The following FCHSD2 variants were observed in gnomAD, a reference collection of about 807,000 sequenced individuals.
FCHSD2 encodes the protein FCH and double SH3 domains 2.
In FCHSD2, 38 loss-of-function variants were observed where a neutral mutation model predicts 108.1. The observed-to-expected ratio is 0.35, with a 90% CI of 0.27 to 0.46. The LOEUF is 0.46. Ranked by LOEUF, FCHSD2 falls within the 20% of genes least tolerant of loss-of-function variation. The pLI is 1.00. For synonymous variants in FCHSD2, 279 were observed against 314.7 expected (o/e 0.89, Z 1.20); for missense variants, 751 against 897.8 (o/e 0.84, Z 2.09).
intron 8 of FCHSD2, among the ~76,000 whole-genome samples, chr11:72,934,940 G>C: frequency 6.6e-6 from 1 of 152,120 alleles, no homozygotes; most frequent in East Asian, 1.9e-4. Context: ...AATTGAATTT[G>C]AATGCCTTTA....
chr11:72,995,560 C>T (rs1171162126), intron 5 of FCHSD2, among the ~76,000 whole-genome samples: 3 of 151,772 alleles, frequency 2.0e-5, no homozygotes, highest in African/African-American at 7.3e-5. Context: ...AAAAATCAGC[C>T]AGGTGTGGTG....
intron 13 of FCHSD2, among the ~76,000 whole-genome samples, chr11:72,863,807 C>T (rs1043736950): frequency 6.6e-6 from 1 of 152,144 alleles, no homozygotes; most frequent in African/African-American, 2.4e-5. Flanking sequence ...ATTAGAATGT[C>T]TAAAGTTAAA....
intron 2 of FCHSD2, among the ~76,000 whole-genome samples, chr11:73,123,882 C>T (rs1366277777): frequency 6.6e-6 from 1 of 152,118 alleles, no homozygotes; most frequent in East Asian, 1.9e-4. Flanking sequence ...ACAAGGTGGT[C>T]AAACTGAGTT....
At chr11:72,939,704 C>T (rs1169816830) in intron 8 of FCHSD2, among the ~76,000 whole-genome samples, 5 of 149,390 alleles carry the variant, frequency 3.3e-5, no homozygotes, top group South Asian at 4.3e-4. Context: ...CTGCAACCCC[C>T]GCCTCCCGGG....
intron 5 of FCHSD2, among the ~76,000 whole-genome samples, chr11:72,991,306 C>T (rs977889420): frequency 1.3e-5 from 2 of 152,174 alleles, no homozygotes; most frequent in African/African-American, 4.8e-5. Flanking sequence ...GGTACCATTC[C>T]TTCTGAAACT....
chr11:72,935,629 T>C (rs1416280997), intron 8 of FCHSD2, among the ~76,000 whole-genome samples: 1 of 152,202 alleles, frequency 6.6e-6, no homozygotes. Context: ...AAAGTAGCTT[T>C]TTACAAGAAA....
chr11:73,003,967 C>T lies in FCHSD2; in HGVS notation c.243-2833G>A, dbSNP rs576237610. Among the ~76,000 whole-genome samples the T allele has an allele frequency of 1.8e-3, 279 of 151,200 alleles. 1 individual carries two copies. The highest frequency in any genetic ancestry group is 6.3e-3 in the African/African-American group (260 of 41,296). Reference sequence around the variant, plus strand: ...ACTGAAAATACAAAAATTAGCCAGGCGTTGTGGCTGGCACCTGTAACCCCA... The same window carrying T: ...ACTGAAAATACAAAAATTAGCCAGGTGTTGTGGCTGGCACCTGTAACCCCA... On this transcript the variant is annotated intron_variant, in intron 4 of 19. Coordinates refer to ENST00000409418, the MANE Select transcript of FCHSD2 (RefSeq NM_014824.3).
intron 2 of FCHSD2, among the ~76,000 whole-genome samples, chr11:73,110,890 T>C (rs1234467048): frequency 6.6e-6 from 1 of 152,192 alleles, no homozygotes; most frequent in Non-Finnish European, 1.5e-5. Flanking sequence ...TTTGTTTTAA[T>C]AAATTTTTCA....
chr11:73,139,207 C>G (rs925328501), intron 2 of FCHSD2, among the ~76,000 whole-genome samples: 4 of 152,174 alleles, frequency 2.6e-5, no homozygotes, highest in Non-Finnish European at 5.9e-5. Context: ...TAATATTTTT[C>G]ATGAAACCAA....
At chr11:73,056,003 T>G (rs773980691) in intron 3 of FCHSD2, among the ~76,000 whole-genome samples, 14 of 152,244 alleles carry the variant, frequency 9.2e-5, no homozygotes, top group Non-Finnish European at 1.6e-4. Context: ...AATGATAAAT[T>G]TTATGTTATG....
chr11:72,860,678 C>T (rs764983403), intron 13 of FCHSD2, among the ~76,000 whole-genome samples: 6 of 152,106 alleles, frequency 3.9e-5, no homozygotes, highest in Non-Finnish European at 8.8e-5. Flanking sequence ...GACCCCATCT[C>T]TACTAAATAT....
At chr11:72,952,671 T>C (rs1856641386) in intron 8 of FCHSD2, among the ~76,000 whole-genome samples, 1 of 152,102 alleles carries the variant, frequency 6.6e-6, no homozygotes, top group African/African-American at 2.4e-5. Context: ...CATAAGAGCT[T>C]ATTGGTAGAG....
Position 73,142,075 on chromosome 11 carries a change from G to A in FCHSD2, c.-198C>T, listed in dbSNP as rs1861263147. On this transcript the variant is annotated 5_prime_UTR_variant, in exon 1 of 20. Transcript: ENST00000409418. ...AGCCAGAGAGCGAGTGTGAGGAGACGAGGGAGGAGCACCGGGAAGGCTTGG... is the reference window on the plus strand; with the variant it reads ...AGCCAGAGAGCGAGTGTGAGGAGACAAGGGAGGAGCACCGGGAAGGCTTGG... 7.5e-6 allele frequency: 4 copies of A among 531,006 alleles called. No individual in the cohort carries two copies. The highest frequency in any genetic ancestry group is 3.8e-5 in the Admixed American group (1 of 26,274). The allele number at this position is 531,006 out of a possible 1,614,324, so 32.9% of individuals were successfully genotyped here. A position where few individuals can be genotyped will look rare whatever the true frequency, so the allele number is the denominator to read the frequency against.
chr11:73,046,736 T>C (rs1039945304), intron 3 of FCHSD2, among the ~76,000 whole-genome samples: 4 of 152,132 alleles, frequency 2.6e-5, no homozygotes, highest in African/African-American at 7.2e-5. Context: ...TTGTAGTATG[T>C]GTATTTGTTT....
At chr11:72,851,389 G>T (rs1861283761) in intron 13 of FCHSD2, among the ~76,000 whole-genome samples, 1 of 152,060 alleles carries the variant, frequency 6.6e-6, no homozygotes, top group Non-Finnish European at 1.5e-5. Flanking sequence ...CATCAACAGG[G>T]GAATGTTTGA....
chr11:72,987,933 A>C lies in FCHSD2; in HGVS notation c.521+1031T>G, dbSNP rs976349758. On this transcript the variant is annotated intron_variant, in intron 6 of 19. Transcript: ENST00000409418. ...GAAATATTTGTAGGTTCAAACAATAAAACAATAAATACAATAAAACAAATT... is the reference window on the plus strand; with the variant it reads ...GAAATATTTGTAGGTTCAAACAATACAACAATAAATACAATAAAACAAATT... 3.9e-5 allele frequency among the ~76,000 whole-genome samples: 6 copies of C among 152,364 alleles called. No individual in the cohort carries two copies. In the East Asian group the frequency reaches 5.8e-4, roughly 15 times the overall value.
At chr11:72,997,783 C>T (rs182249473) in intron 5 of FCHSD2, among the ~76,000 whole-genome samples, 2 of 152,348 alleles carry the variant, frequency 1.3e-5, no homozygotes, top group Non-Finnish European at 2.9e-5. Context: ...TTCCTGCAAT[C>T]TCTACCTCCT....
chr11:72,998,106 A>C (rs928891262), intron 5 of FCHSD2, among the ~76,000 whole-genome samples: 1 of 152,236 alleles, frequency 6.6e-6, no homozygotes, highest in Non-Finnish European at 1.5e-5. Context: ...CAAAATGCTG[A>C]AAAAGTAGAA....
intron 8 of FCHSD2, among the ~76,000 whole-genome samples, chr11:72,953,625 G>GA (rs903181786): frequency 7.2e-5 from 1 of 13,904 alleles, no homozygotes; most frequent in East Asian, 0.013. Flanking sequence ...ACACTGCATG[G>GA]GGGAAAAAAA....
Sources: allele counts gnomAD v4.1 joint callset (sites outside exome capture counted in the v4.1 genomes callset), GRCh38; gene constraint gnomAD v4.1.1; transcripts MANE v1.5; gene names NCBI Gene and HGNC (gene_info 2026-07-23, HGNC 2026-07-21).